ELL: variants seen among roughly 807,000 people sequenced by gnomAD.
The protein encoded by ELL is RNA polymerase II elongation factor ELL.
ELL carries 18 observed loss-of-function variants against 64.0 expected under a neutral mutation model. That is an observed-to-expected ratio of 0.28 (90% confidence interval 0.19 to 0.42). The LOEUF is 0.42. Among genes scored for constraint, ELL ranks in the 10% least tolerant of loss-of-function variants. The pLI, the probability that ELL is intolerant of heterozygous loss-of-function variation, is 1.00. For synonymous variants in ELL, 399 were observed against 376.2 expected (o/e 1.06, Z -0.70); for missense variants, 797 against 870.4 (o/e 0.92, Z 1.06).
intron 6 of ELL, among the ~76,000 whole-genome samples, chr19:18,455,151 A>C (rs1220610310): frequency 6.6e-6 from 1 of 151,292 alleles, no homozygotes; most frequent in Non-Finnish European, 1.5e-5. Flanking sequence ...CAAAAAAAAA[A>C]AAAAAGAAAG....
intron 1 of ELL, among the ~76,000 whole-genome samples, chr19:18,483,468 A>G (rs930604110): frequency 1.3e-4 from 20 of 152,178 alleles, no homozygotes; most frequent in African/African-American, 4.8e-4. Context: ...CTGTCCGTAG[A>G]AATCACAGCC....
In ELL at chr19:18,491,249, A is replaced by ATTTT. The variant is rs565016319; in HGVS notation, c.136-18371_136-18368dup. 9.7e-5 allele frequency among the ~76,000 whole-genome samples: 7 copies of ATTTT among 72,474 alleles called. 1 individual carries two copies. The highest frequency in any genetic ancestry group is 4.4e-4 in the Admixed American group (2 of 4,552). 47.5% of individuals were successfully genotyped at this position (72,474 alleles called of 152,430 possible). A position where few individuals can be genotyped will look rare whatever the true frequency, so the allele number is the denominator to read the frequency against. On this transcript the variant is annotated intron_variant, in intron 1 of 11. Coordinates refer to ENST00000262809, the MANE Select transcript of ELL (RefSeq NM_006532.4). ...AGGTGCTCACCACCACACCTGGCTA[A>ATTTT]TTTTTTTTTTTTTTTTTTTTTTTTT...
intron 2 of ELL, among the ~76,000 whole-genome samples, chr19:18,468,434 G>A (rs1485970628): frequency 6.6e-6 from 1 of 152,202 alleles, no homozygotes; most frequent in African/African-American, 2.4e-5. Context: ...CTTCCCAGAT[G>A]TGACTTTTAT....
At chr19:18,475,411 A>G (rs1251666431) in intron 1 of ELL, among the ~76,000 whole-genome samples, 2 of 152,230 alleles carry the variant, frequency 1.3e-5, no homozygotes, top group African/African-American at 2.4e-5. Flanking sequence ...GGGAGTGGAC[A>G]AGGCTCAGCC....
chr19:18,513,706 C>T (rs1043344254), intron 1 of ELL, among the ~76,000 whole-genome samples: 3 of 152,002 alleles, frequency 2.0e-5, no homozygotes, highest in African/African-American at 7.2e-5. Context: ...CTGAGGCGGG[C>T]GGATCACAAG....
rs182553646 is a variant in ELL at position 18,498,863 on chromosome 19, T to C, written c.135+23058A>G. Among the ~76,000 whole-genome samples the C allele has an allele frequency of 5.9e-5, 9 of 152,160 alleles. No individual in the cohort carries two copies. The East Asian group carries it at 1.7e-3, about 29-fold the overall frequency. On this transcript the variant is annotated intron_variant, in intron 1 of 11. Coordinates refer to ENST00000262809, the MANE Select transcript of ELL (RefSeq NM_006532.4). ...TACTTGGGAGGCTGAGGCAGGAGAA[T>C]CGCTTGAAACCAGGAGGCAGAGGTT...
At chr19:18,520,937 C>T (rs1976254645) in intron 1 of ELL, among the ~76,000 whole-genome samples, 1 of 152,032 alleles carries the variant, frequency 6.6e-6, no homozygotes, top group South Asian at 2.1e-4. Context: ...GGGGCCATGA[C>T]ACAAACAGAA....
At chr19:18,454,367 C>G (rs1281213990) in intron 6 of ELL, among the ~76,000 whole-genome samples, 4 of 152,052 alleles carry the variant, frequency 2.6e-5, no homozygotes, top group African/African-American at 7.2e-5. Context: ...GGCATGGTGG[C>G]GGGCGCCTGT....
chr19:18,494,878 C>G (rs1289376612), intron 1 of ELL, among the ~76,000 whole-genome samples: 2 of 152,212 alleles, frequency 1.3e-5, no homozygotes, highest in Non-Finnish European at 2.9e-5. Context: ...ACTTCCCTAG[C>G]CGGGTGGCAT....
At chr19:18,464,753 A>T (rs985921814) in intron 4 of ELL, among the ~76,000 whole-genome samples, 1 of 152,026 alleles carries the variant, frequency 6.6e-6, no homozygotes, top group African/African-American at 2.4e-5. Flanking sequence ...AGTTCCCATG[A>T]CTCCTGGAGC....
In ELL at chr19:18,450,852, C is replaced by A; in HGVS notation, c.1090G>T (p.Ala364Ser). 6.3e-7 allele frequency: 1 copy of A among 1,591,210 alleles called. No homozygotes were observed. The highest frequency in any genetic ancestry group is 8.6e-7 in the Non-Finnish European group (1 of 1,167,088). ...GGTGGGCCCGGGGTGGGCAGCAAGG[C>A]CTCACGGCCATTGGGCACGCCCAGC... ...GKLGVPNGREALLPTPGPPAS... is the reference protein window; with the variant it reads ...GKLGVPNGRESLLPTPGPPAS... Residue 364 changes from alanine to serine, a missense_variant, in exon 8 of 12, where the codon GCC becomes TCC. Coordinates refer to ENST00000262809, the MANE Select transcript of ELL (RefSeq NM_006532.4).
chr19:18,520,078 G>A (rs985230891), intron 1 of ELL, among the ~76,000 whole-genome samples: 2 of 152,170 alleles, frequency 1.3e-5, no homozygotes, highest in African/African-American at 4.8e-5. Context: ...CTTAGAGAGG[G>A]GATGTAACCA....
Position 18,443,369 on chromosome 19 carries a change from C to G in ELL, c.*1383G>C. 1 of 229,278 alleles carries G rather than the reference C, an allele frequency of 4.4e-6. No individual in the cohort carries two copies. The highest frequency in any genetic ancestry group is 2.3e-5 in the African/African-American group (1 of 42,674). 14.2% of individuals were successfully genotyped at this position (229,278 alleles called of 1,614,324 possible). ...CTTTGGAAGCTGTCAGGAGGCACCC[C>G]TCCACCCCCCAGTTTAGAAAAATAG... On this transcript the variant is annotated 3_prime_UTR_variant, in exon 12 of 12. Coordinates refer to ENST00000262809, the MANE Select transcript of ELL (RefSeq NM_006532.4).
At chr19:18,487,654 C>T (rs1193970024) in intron 1 of ELL, among the ~76,000 whole-genome samples, 2 of 152,194 alleles carry the variant, frequency 1.3e-5, no homozygotes, top group African/African-American at 2.4e-5. Flanking sequence ...GACGAGGACC[C>T]GTGCAGCTGC....
At chr19:18,456,522 G>A (rs1177073368) in intron 6 of ELL, among the ~76,000 whole-genome samples, 2 of 152,198 alleles carry the variant, frequency 1.3e-5, no homozygotes, top group Admixed American at 6.5e-5. Flanking sequence ...CAGGAAGGAG[G>A]AGTATATAGA....
rs996875820 is a variant in ELL at position 18,446,507 on chromosome 19, G to C, written c.1533-27C>G. On this transcript the variant is annotated intron_variant, in intron 9 of 11. Transcript: ENST00000262809. ...TGAAACAGGAGAGAGGGGCCACTGA[G>C]TGGAGGCTGGAAGGACCCAGCCCCA... 3 of 1,604,104 alleles carry C rather than the reference G, an allele frequency of 1.9e-6. No individual in the cohort carries two copies. In the Admixed American group the frequency reaches 5.0e-5, roughly 27 times the overall value.
intron 1 of ELL, among the ~76,000 whole-genome samples, chr19:18,477,305 A>T (rs1240012962): frequency 1.3e-5 from 2 of 152,212 alleles, no homozygotes; most frequent in Non-Finnish European, 2.9e-5. Context: ...CACCTAGATG[A>T]ATCCCACAGT....
At chr19:18,503,751 C>G (rs115194109) in intron 1 of ELL, among the ~76,000 whole-genome samples, 1,710 of 152,278 alleles carry the variant, frequency 0.011, 34 homozygotes, top group African/African-American at 0.039. Flanking sequence ...GCCTAGGGCT[C>G]AGAAACACCA....
chr19:18,458,682 C>T (rs10164323), intron 5 of ELL, among the ~76,000 whole-genome samples: 70,685 of 151,944 alleles, frequency 0.47, 19,026 homozygotes, highest in African/African-American at 0.76. Context: ...GCTTTTTTTC[C>T]TTTTTTGATA....
Sources: gnomAD v4.1 joint callset for allele counts (sites outside exome capture counted in the v4.1 genomes callset) on GRCh38, gnomAD v4.1.1 for gene constraint, MANE v1.5 for transcripts, NCBI Gene and HGNC (gene_info 2026-07-23, HGNC 2026-07-21) for gene names.